PLCL1: variants seen among roughly 807,000 people sequenced by gnomAD.
The protein encoded by PLCL1 is inactive phospholipase C-like protein 1.
Under a neutral mutation model 84.4 loss-of-function variants are expected in PLCL1, and 41 were observed. The observed-to-expected ratio is 0.49, with a 90% confidence interval of 0.38 to 0.63. The LOEUF is 0.63. PLCL1 is among the 30% of genes least tolerant of loss of function. The pLI is 0.00. For synonymous variants in PLCL1, 490 were observed against 488.3 expected (o/e 1.00, Z -0.05); for missense variants, 1,206 against 1,367.8 (o/e 0.88, Z 1.87).
intron 1 of PLCL1, among the ~76,000 whole-genome samples, chr2:197,959,100 C>T (rs1483901055): frequency 6.6e-6 from 1 of 151,986 alleles, no homozygotes; most frequent in South Asian, 2.1e-4. Flanking sequence ...AGCTATGTGA[C>T]TTCAGCCAAA....
chr2:197,857,896 G>C (rs1374274751), intron 1 of PLCL1, among the ~76,000 whole-genome samples: 1 of 151,808 alleles, frequency 6.6e-6, no homozygotes, highest in African/African-American at 2.4e-5. Context: ...ATGGTGAAAG[G>C]GATCTTGAAA....
At chr2:197,822,962 C>A (rs190913561) in intron 1 of PLCL1, among the ~76,000 whole-genome samples, 1 of 152,252 alleles carries the variant, frequency 6.6e-6, no homozygotes, top group African/African-American at 2.4e-5. Flanking sequence ...CTTGATATGG[C>A]AGCTGGATTC....
chr2:198,070,543 A>T (rs1029887839), intron 1 of PLCL1, among the ~76,000 whole-genome samples: 3 of 152,080 alleles, frequency 2.0e-5, no homozygotes, highest in African/African-American at 7.2e-5. Flanking sequence ...AATGTAAGAT[A>T]CTAAAATAAT....
At chr2:198,105,934 G>T (rs963542797) in intron 5 of PLCL1, among the ~76,000 whole-genome samples, 1 of 151,804 alleles carries the variant, frequency 6.6e-6, no homozygotes, top group Non-Finnish European at 1.5e-5. Flanking sequence ...CATGAAAAAA[G>T]AAATGATTTA....
At chr2:197,813,823 G>T (rs1338548884) in intron 1 of PLCL1, among the ~76,000 whole-genome samples, 1 of 152,084 alleles carries the variant, frequency 6.6e-6, no homozygotes, top group Non-Finnish European at 1.5e-5. Context: ...AAATAATCTA[G>T]CTCCAGAGGT....
chr2:198,114,844 T>C (rs912833913), intron 5 of PLCL1, among the ~76,000 whole-genome samples: 4 of 151,734 alleles, frequency 2.6e-5, no homozygotes, highest in Middle Eastern at 3.2e-3. Context: ...TATACATATA[T>C]ACACACATAT....
chr2:198,093,453 C>T (rs765577482), intron 3 of PLCL1, among the ~76,000 whole-genome samples: 25 of 152,004 alleles, frequency 1.6e-4, no homozygotes, highest in Admixed American at 9.8e-4. Flanking sequence ...TGAAACTTCT[C>T]GTAAAAATAC....
chr2:197,887,575 A>C (rs953137772), intron 1 of PLCL1, among the ~76,000 whole-genome samples: 1 of 152,106 alleles, frequency 6.6e-6, no homozygotes, highest in African/African-American at 2.4e-5. Flanking sequence ...TATATGAAAA[A>C]TTTTGATCTT....
intron 5 of PLCL1, among the ~76,000 whole-genome samples, chr2:198,107,481 C>T (rs1245110716): frequency 6.6e-6 from 1 of 151,836 alleles, no homozygotes; most frequent in East Asian, 1.9e-4. Flanking sequence ...ATACCTACAT[C>T]TCAGATTTTG....
At chr2:197,995,452 A>G (rs928807040) in intron 1 of PLCL1, among the ~76,000 whole-genome samples, 2 of 152,150 alleles carry the variant, frequency 1.3e-5, no homozygotes, top group African/African-American at 4.8e-5. Flanking sequence ...AGTAAATAAA[A>G]ACTGCCACAT....
At chr2:197,993,570 TAG>T (rs1341148814) in intron 1 of PLCL1, among the ~76,000 whole-genome samples, 1 of 152,012 alleles carries the variant, frequency 6.6e-6, no homozygotes, top group Non-Finnish European at 1.5e-5. Flanking sequence ...TGTAACAGTG[TAG>T]AGTCATTATC....
intron 1 of PLCL1, among the ~76,000 whole-genome samples, chr2:197,903,468 A>ATTTTTTTTTTTTTTTTTTTTTTTTTTTT (rs3056105): frequency 2.1e-5 from 1 of 47,794 alleles, no homozygotes; most frequent in Non-Finnish European, 3.5e-5. Flanking sequence ...CTCCATTTAA[A>ATTTTTTTTTTTTTTTTTTTTTTTTTTTT]TTTTTTTTTT....
rs760577848 is a variant in PLCL1, at chr2:197,983,200, C to CTTTTTTTTTTTTTTTT, written c.241-100534_241-100519dup. Among the ~76,000 whole-genome samples the CTTTTTTTTTTTTTTTT allele has an allele frequency of 6.3e-4, 38 of 60,280 alleles. 3 individuals carry two copies. Among genetic ancestry groups the CTTTTTTTTTTTTTTTT allele is most frequent in the East Asian group, 1.1e-3 (2 of 1,876 alleles). The allele number at this position is 60,280 out of a possible 152,430, so 39.5% of individuals were successfully genotyped here. A position where few individuals can be genotyped will look rare whatever the true frequency, so the allele number is the denominator to read the frequency against. ...TTTCTTTTTCTTTTTCTTTTCTTTT[C>CTTTTTTTTTTTTTTTT]TTTTTTTTTTTTTTTTTTTTTTTTT... is the stretch of plus-strand genomic sequence containing the variant. On this transcript the variant is annotated intron_variant, in intron 1 of 5. Coordinates refer to ENST00000428675, the MANE Select transcript of PLCL1 (RefSeq NM_006226.4).
At chr2:198,130,405 A>G (rs1401899390) in intron 5 of PLCL1, among the ~76,000 whole-genome samples, 1 of 152,142 alleles carries the variant, frequency 6.6e-6, no homozygotes, top group African/African-American at 2.4e-5. Context: ...TGGGGGACAC[A>G]GTTCATGCAA....
intron 1 of PLCL1, among the ~76,000 whole-genome samples, chr2:197,852,920 T>C (rs532096267): frequency 6.6e-6 from 1 of 152,308 alleles, no homozygotes; most frequent in African/African-American, 2.4e-5. Context: ...TTTTTAAGCA[T>C]TAAGTACATT....
chr2:197,809,129 G>T (rs1158537607), intron 1 of PLCL1, among the ~76,000 whole-genome samples: 3 of 152,132 alleles, frequency 2.0e-5, no homozygotes, highest in African/African-American at 7.2e-5. Context: ...CAAGATTATG[G>T]CTTTCCTCAG....
At chr2:197,913,967 A>G (rs564847121) in intron 1 of PLCL1, among the ~76,000 whole-genome samples, 4 of 152,168 alleles carry the variant, frequency 2.6e-5, no homozygotes, top group Non-Finnish European at 5.9e-5. Flanking sequence ...TATCCATTAT[A>G]CTAATTAATA....
At chr2:198,043,509 C>T (rs971700161) in intron 1 of PLCL1, among the ~76,000 whole-genome samples, 12 of 152,136 alleles carry the variant, frequency 7.9e-5, no homozygotes, top group African/African-American at 1.9e-4. Context: ...TTGCCATCAA[C>T]GTGGCAAGGA....
intron 1 of PLCL1, among the ~76,000 whole-genome samples, chr2:197,863,238 G>A (rs899564639): frequency 6.6e-6 from 1 of 151,760 alleles, no homozygotes; most frequent in Admixed American, 6.6e-5. Flanking sequence ...TTTACAGATG[G>A]AAGACACTGA....
Sources: allele counts gnomAD v4.1 joint callset (sites outside exome capture counted in the v4.1 genomes callset), GRCh38; gene constraint gnomAD v4.1.1; transcripts MANE v1.5; gene names NCBI Gene and HGNC (gene_info 2026-07-23, HGNC 2026-07-21).